EHBP1: variants seen among roughly 807,000 people sequenced by gnomAD.
The protein encoded by EHBP1 is EH domain-binding protein 1.
In EHBP1, 55 loss-of-function variants were observed where a neutral mutation model predicts 144.0. That is an observed-to-expected ratio of 0.38 (90% CI 0.31 to 0.48). The LOEUF (loss-of-function observed/expected upper bound fraction) is 0.48. Among genes scored for constraint, EHBP1 ranks in the 20% least tolerant of loss-of-function variants. EHBP1 has a pLI of 0.98. For synonymous variants in EHBP1, 469 were observed against 472.7 expected (o/e 0.99, Z 0.10); for missense variants, 1,200 against 1,364.2 (o/e 0.88, Z 1.90).
chr2:62,675,993 T>C (rs572809370), intron 1 of EHBP1, among the ~76,000 whole-genome samples: 5 of 152,312 alleles, frequency 3.3e-5, no homozygotes, highest in African/African-American at 1.2e-4. Flanking sequence ...TGAGCTCAAG[T>C]AGCCGGCCAG....
At chr2:62,680,199 C>A (rs2033461959) in intron 1 of EHBP1, among the ~76,000 whole-genome samples, 1 of 152,196 alleles carries the variant, frequency 6.6e-6, no homozygotes, top group Non-Finnish European at 1.5e-5. Context: ...TACTCCTATA[C>A]AAAGACTGGC....
At chr2:62,969,008 A>ATTC (rs2058371858) in intron 14 of EHBP1, among the ~76,000 whole-genome samples, 1 of 152,234 alleles carries the variant, frequency 6.6e-6, no homozygotes, top group Admixed American at 6.5e-5. Context: ...TTAGTCAGCC[A>ATTC]TTCTTCTTTT....
intron 2 of EHBP1, among the ~76,000 whole-genome samples, chr2:62,745,575 A>G (rs2039078984): frequency 6.6e-6 from 1 of 152,064 alleles, no homozygotes; most frequent in Admixed American, 6.6e-5. Context: ...GGGGTTGGTT[A>G]TAGAGCAAGA....
Position 62,706,980 on chromosome 2 carries a change from G to A in EHBP1, c.-212G>A. ...AACCCCTTCCCACTCATCCTGTCAC[G>A]TATATCATAGTGTTCTTGACTGGGC... is the stretch of plus-strand genomic sequence containing the variant. On this transcript the variant is annotated 5_prime_UTR_variant, in exon 2 of 23. Coordinates refer to ENST00000431489, the MANE Select transcript of EHBP1 (RefSeq NM_001142616.3). 1.9e-6 allele frequency: 1 copy of A among 515,782 alleles called. No individual in the cohort carries two copies. The highest frequency in any genetic ancestry group is 3.2e-5 in the Admixed American group (1 of 31,336). 32.0% of individuals were successfully genotyped at this position (515,782 alleles called of 1,614,324 possible). A position where few individuals can be genotyped will look rare whatever the true frequency, so the allele number is the denominator to read the frequency against.
chr2:62,865,055 G>C, intron 9 of EHBP1, 84 bp downstream of exon 9: 3 of 1,422,582 alleles, frequency 2.1e-6, no homozygotes, highest in Non-Finnish European at 2.9e-6. Flanking sequence ...CTTTAGATGG[G>C]TACAAATCAT....
intron 10 of EHBP1, among the ~76,000 whole-genome samples, chr2:62,934,767 T>C (rs2056251564): frequency 6.6e-6 from 1 of 152,202 alleles, no homozygotes; most frequent in Non-Finnish European, 1.5e-5. Flanking sequence ...TAGGGATATG[T>C]AGTTTATTCA....
chr2:62,993,487 T>A, intron 16 of EHBP1, 43 bp from the exon 17 acceptor site: 1 of 1,406,638 alleles, frequency 7.1e-7, no homozygotes, highest in Non-Finnish European at 9.4e-7. Context: ...ATTTTATGTT[T>A]ATGAGATCAG....
chr2:62,708,042 G>T (rs1345280875), intron 2 of EHBP1, among the ~76,000 whole-genome samples: 1 of 152,066 alleles, frequency 6.6e-6, no homozygotes, highest in Non-Finnish European at 1.5e-5. Flanking sequence ...TTAAGCAAAT[G>T]GTCGTTTGGG....
chr2:62,849,410 A>G (rs778309585), intron 7 of EHBP1, among the ~76,000 whole-genome samples: 1 of 152,110 alleles, frequency 6.6e-6, no homozygotes, highest in Non-Finnish European at 1.5e-5. Context: ...AAGCTTTCAG[A>G]TGACTTCAGC....
At chr2:62,724,351 ATT>A (rs1280682479) in intron 2 of EHBP1, among the ~76,000 whole-genome samples, 1 of 151,990 alleles carries the variant, frequency 6.6e-6, no homozygotes, top group Non-Finnish European at 1.5e-5. Flanking sequence ...TATACTGGTT[ATT>A]TTGTCTTGTC....
intron 10 of EHBP1, among the ~76,000 whole-genome samples, chr2:62,891,848 G>A (rs1439765106): frequency 6.6e-6 from 1 of 152,040 alleles, no homozygotes; most frequent in African/African-American, 2.4e-5. Context: ...GAGTGCTGCA[G>A]AAAGAAGACT....
At chr2:62,920,864 T>G (rs2055021875) in intron 10 of EHBP1, among the ~76,000 whole-genome samples, 1 of 152,062 alleles carries the variant, frequency 6.6e-6, no homozygotes, top group Non-Finnish European at 1.5e-5. Context: ...AGTTGGGTTT[T>G]CACCATGTTG....
At chr2:62,929,265 C>T (rs893565315) in intron 10 of EHBP1, among the ~76,000 whole-genome samples, 2 of 152,158 alleles carry the variant, frequency 1.3e-5, no homozygotes, top group Non-Finnish European at 2.9e-5. Flanking sequence ...CAAAGCCAGA[C>T]AAACACTACA....
At chr2:62,908,504 C>A (rs1233012267) in intron 10 of EHBP1, among the ~76,000 whole-genome samples, 1 of 151,958 alleles carries the variant, frequency 6.6e-6, no homozygotes, top group Admixed American at 6.6e-5. Context: ...AAGGTGGAGG[C>A]TGAAATAACT....
intron 2 of EHBP1, among the ~76,000 whole-genome samples, chr2:62,712,578 G>A (rs1466046065): frequency 6.6e-6 from 1 of 152,192 alleles, no homozygotes; most frequent in Non-Finnish European, 1.5e-5. Flanking sequence ...ATTTTGTCAG[G>A]AATGTATAAC....
At chr2:62,760,920 A>C (rs899476611) in intron 3 of EHBP1, among the ~76,000 whole-genome samples, 3 of 152,194 alleles carry the variant, frequency 2.0e-5, no homozygotes, top group Non-Finnish European at 4.4e-5. Context: ...TGAGAATTTA[A>C]TAGGTAGCCT....
At chr2:62,869,547 A>G (rs1483964916) in intron 9 of EHBP1, among the ~76,000 whole-genome samples, 1 of 152,216 alleles carries the variant, frequency 6.6e-6, no homozygotes, top group East Asian at 1.9e-4. Context: ...GTGTGATACC[A>G]TTTATTTTAA....
At chr2:62,673,972 A>G in exon 1 of EHBP1, 3 of 468,388 alleles carry the variant, frequency 6.4e-6, no homozygotes, top group South Asian at 3.1e-5. Context: ...TTGCTAGGAC[A>G]CAAGGTTAGC....
At chr2:62,863,520 C>T (rs545453698) in intron 8 of EHBP1, among the ~76,000 whole-genome samples, 15 of 152,238 alleles carry the variant, frequency 9.9e-5, no homozygotes, top group African/African-American at 3.1e-4. Context: ...CTTGATATAT[C>T]TATCAGCTTA....
Sources: gnomAD v4.1 joint callset for allele counts (sites outside exome capture counted in the v4.1 genomes callset) on GRCh38, gnomAD v4.1.1 for gene constraint, MANE v1.5 for transcripts, NCBI Gene and HGNC (gene_info 2026-07-23, HGNC 2026-07-21) for gene names.